The following KMT2E variants were observed in gnomAD, a reference collection of about 807,000 sequenced individuals.
The protein encoded by KMT2E is histone reader KMT2E.
A neutral mutation model predicts 184.6 loss-of-function variants in KMT2E; 30 were observed. That is an observed-to-expected ratio of 0.16 (90% CI 0.12 to 0.22). KMT2E has a LOEUF of 0.22. KMT2E is among the 10% of genes least tolerant of loss of function. The pLI, the probability that KMT2E is intolerant of heterozygous loss-of-function variation, is 1.00. For missense variants in KMT2E, 2,023 were observed against 2,237.4 expected (o/e 0.90, Z 1.93); for synonymous variants, 815 against 776.5 (o/e 1.05, Z -0.82).
chr7:105,110,662 G>C, intron 25 of KMT2E, 60 bp downstream of exon 25: 1 of 1,607,916 alleles, frequency 6.2e-7, no homozygotes. Context: ...AGACAAGAGA[G>C]CCTTTATAAA....
chr7:105,024,385 A>G lies in KMT2E; in HGVS notation c.-189+9850A>G, dbSNP rs532225763. On this transcript the variant is annotated intron_variant, in intron 1 of 26. Transcript: ENST00000311117. ...GGCGGAAGGTACAAAAACAAGCCCC[A>G]TGATGAACGAAAGGATTTTCTTTCA... Among the ~76,000 whole-genome samples, 14 of 152,348 alleles carry G rather than the reference A, an allele frequency of 9.2e-5. No individual in the cohort carries two copies. The South Asian group carries it at 2.7e-3, about 29-fold the overall frequency.
chr7:105,051,289 G>A (rs1420567353), intron 3 of KMT2E, among the ~76,000 whole-genome samples: 1 of 151,854 alleles, frequency 6.6e-6, no homozygotes, highest in Non-Finnish European at 1.5e-5. Flanking sequence ...AGGTTCAAGC[G>A]ATTCTCCTGC....
chr7:105,082,309 G>A lies in KMT2E; in HGVS notation c.1358+512G>A, dbSNP rs1240170947. Among the ~76,000 whole-genome samples the A allele has an allele frequency of 2.6e-5, 4 of 152,204 alleles. No homozygotes were observed. In the East Asian group the frequency reaches 5.8e-4, roughly 22 times the overall value. ...AGTACAGTTGGCCCTTGCACAATGC[G>A]GGGTTGGAGCACCAACTGCCTGCAC... On this transcript the variant is annotated intron_variant, in intron 13 of 26. Coordinates refer to ENST00000311117, the MANE Select transcript of KMT2E (RefSeq NM_182931.3).
intron 1 of KMT2E, among the ~76,000 whole-genome samples, chr7:105,020,571 G>A (rs1398974750): frequency 6.6e-6 from 1 of 152,156 alleles, no homozygotes; most frequent in Non-Finnish European, 1.5e-5. Flanking sequence ...GGCAACGAGC[G>A]AAACTGCATC....
chr7:105,106,621 C>G lies in KMT2E; in HGVS notation c.2696C>G (p.Thr899Ser). ...ACTCCTTCCCCGTATGCTACACCAA[C>G]TCACACCGATATTACTCCTATGGAC... ...TPTPSPYATP[T>S]HTDITPMDPS... Residue 899 changes from threonine to serine, a missense_variant, in exon 20 of 27, where the codon ACT (threonine) becomes AGT (serine). Thr to Ser is a moderately conservative substitution (Grantham distance 58). Transcript: ENST00000311117. 1 of 1,614,126 alleles carries G rather than the reference C, an allele frequency of 6.2e-7. No individual in the cohort carries two copies. The highest frequency in any genetic ancestry group is 1.1e-5 in the South Asian group (1 of 91,084).
At position 105,112,069 on chromosome 7, in the gene KMT2E, A is replaced by T. The variant is rs1469729902; in HGVS notation, c.4313A>T (p.Lys1438Met). 5 of 1,614,204 alleles carry T rather than the reference A, an allele frequency of 3.1e-6. No homozygotes were observed. Among genetic ancestry groups the T allele is most frequent in the Non-Finnish European group, 4.2e-6 (5 of 1,180,030 alleles). ...LSQKLPSVPT[K>M]LHCPPSPHLE... ...CAAAAGCTGCCTTCTGTGCCAACAAAGTTGCACTGTCCTCCATCACCTCAC... is the reference window on the plus strand; with the variant it reads ...CAAAAGCTGCCTTCTGTGCCAACAATGTTGCACTGTCCTCCATCACCTCAC... The change falls in exon 27 of 27, where the codon AAG (lysine) becomes ATG (methionine). Residue 1438 changes from lysine (K) to methionine (M), a missense_variant. Transcript: ENST00000311117.
chr7:105,028,018 T>C (rs985372007), intron 1 of KMT2E, among the ~76,000 whole-genome samples: 4 of 152,172 alleles, frequency 2.6e-5, no homozygotes, highest in African/African-American at 4.8e-5. Context: ...AATTGATTAT[T>C]ATCATTGGAC....
intron 13 of KMT2E, among the ~76,000 whole-genome samples, chr7:105,087,165 T>C (rs1162945323): frequency 1.4e-5 from 2 of 146,908 alleles, no homozygotes; most frequent in Non-Finnish European, 3.0e-5. Context: ...CGGACTGGTA[T>C]ATAATAAAAT....
At chr7:105,078,809 A>C in intron 11 of KMT2E, 37 bp from the exon 12 acceptor site, 2 of 1,258,958 alleles carry the variant, frequency 1.6e-6, no homozygotes, top group Non-Finnish European at 2.3e-6. Flanking sequence ...TGCCCGGCCT[A>C]AAATGTTAAT....
chr7:105,015,712 C>T (rs932836652), intron 1 of KMT2E, among the ~76,000 whole-genome samples: 1 of 151,984 alleles, frequency 6.6e-6, no homozygotes, highest in Non-Finnish European at 1.5e-5. Context: ...CTAATCAGCT[C>T]GGGTCCTCCA....
At chr7:105,015,553 C>T (rs140910485) in intron 1 of KMT2E, among the ~76,000 whole-genome samples, 4 of 152,290 alleles carry the variant, frequency 2.6e-5, no homozygotes, top group Non-Finnish European at 5.9e-5. Context: ...GAGGTGCATT[C>T]AACTCGAGGC....
intron 6 of KMT2E, among the ~76,000 whole-genome samples, chr7:105,070,490 C>T (rs1345798585): frequency 6.6e-5 from 10 of 151,540 alleles, no homozygotes; most frequent in East Asian, 3.9e-4. Context: ...AAAAATTAGC[C>T]GGGCATGGTG....
At chr7:105,017,435 T>TG (rs956766560) in intron 1 of KMT2E, among the ~76,000 whole-genome samples, 1 of 99,682 alleles carries the variant, frequency 1.0e-5, no homozygotes, top group African/African-American at 2.8e-5. Flanking sequence ...TTGTTTTTTG[T>TG]TTTTTTTTTT....
In KMT2E at chr7:105,105,683, CA is replaced by C; in HGVS notation, c.2442del (p.Cys815AlafsTer6). 1 of 1,597,386 alleles carries C rather than the reference CA, an allele frequency of 6.3e-7. No individual in the cohort carries two copies. Among genetic ancestry groups the C allele is most frequent in the Non-Finnish European group, 8.5e-7 (1 of 1,175,516 alleles). On this transcript the variant is annotated frameshift_variant, in exon 18 of 27. Coordinates refer to ENST00000311117, the MANE Select transcript of KMT2E (RefSeq NM_182931.3). LOFTEE classifies it high-confidence loss of function. ...RKEPTENISG[S>X]CKKRWLKQAL... ...GAACCTACTGAAAACATTTCTGGTT[CA>C]TGCAAGAAGGTAAACTTTTCTTTGG...
intron 1 of KMT2E, among the ~76,000 whole-genome samples, chr7:105,036,524 C>G (rs926753474): frequency 6.6e-6 from 1 of 152,104 alleles, no homozygotes; most frequent in Non-Finnish European, 1.5e-5. Flanking sequence ...AATCAGACCA[C>G]AAGGGTTCAG....
intron 23 of KMT2E, among the ~76,000 whole-genome samples, chr7:105,109,560 T>C (rs902919775): frequency 6.6e-6 from 1 of 152,202 alleles, no homozygotes; most frequent in Non-Finnish European, 1.5e-5. Flanking sequence ...TCAGAAGGAA[T>C]AGGAGCAGCT....
At chr7:105,073,743 CTTTTAGTTAAATGTAAATAT>C (rs889173961) in intron 7 of KMT2E, 66 bp downstream of exon 7, 7 of 930,270 alleles carry the variant, frequency 7.5e-6, no homozygotes, top group African/African-American at 4.9e-5. Context: ...GTTCTCTCAA[CTTTTAGTTAAATGTAAATAT>C]TTTTAGTTAA....
rs1000341012 is a variant in KMT2E at position 105,066,916 on chromosome 7, G to C, written c.497+109G>C. On this transcript the variant is annotated intron_variant, in intron 6 of 26. Transcript: ENST00000311117. ...TAAAAAATTAATGAATCACAGCCGGGCATGGTGGCTCATGCCTGTAGTGCC... is the reference window on the plus strand; with the variant it reads ...TAAAAAATTAATGAATCACAGCCGGCCATGGTGGCTCATGCCTGTAGTGCC... 4 of 802,910 alleles carry C rather than the reference G, an allele frequency of 5.0e-6. No individual in the cohort carries two copies. In the Admixed American group the frequency reaches 5.8e-5, roughly 12 times the overall value. 49.7% of individuals were successfully genotyped at this position (802,910 alleles called of 1,614,324 possible).
At chr7:105,108,748 G>A (rs941483468) in intron 22 of KMT2E, 194 bp from the exon 23 acceptor site, 1 of 565,812 alleles carries the variant, frequency 1.8e-6, no homozygotes, top group Non-Finnish European at 3.1e-6. Flanking sequence ...ATGAGATAAT[G>A]TATGTAAATC....
Sources: allele counts gnomAD v4.1 joint callset (sites outside exome capture counted in the v4.1 genomes callset), GRCh38; gene constraint gnomAD v4.1.1; transcripts MANE v1.5; gene names NCBI Gene and HGNC (gene_info 2026-07-23, HGNC 2026-07-21).